SLC6A9: variants seen among roughly 807,000 people sequenced by gnomAD.
SLC6A9 encodes the protein sodium- and chloride-dependent glycine transporter 1.
SLC6A9 carries 31 observed loss-of-function variants against 70.9 expected under a neutral mutation model. The observed-to-expected ratio is 0.44, with a 90% CI of 0.33 to 0.59. SLC6A9 has a LOEUF of 0.59. SLC6A9 is among the 20% of genes least tolerant of loss of function. The pLI is 0.04. For missense variants in SLC6A9, 631 were observed against 845.2 expected, an observed-to-expected ratio of 0.75 and a Z score of 3.14; for synonymous variants, 310 against 341.3, an observed-to-expected ratio of 0.91 and a Z score of 1.01.
Position 43,997,313 on chromosome 1 carries a change from A to G in SLC6A9, c.*232T>C, listed in dbSNP as rs201016250. 3.6e-6 allele frequency: 2 copies of G among 555,856 alleles called. No homozygotes were observed. The highest frequency in any genetic ancestry group is 3.8e-5 in the African/African-American group (2 of 52,448). 34.4% of individuals were successfully genotyped at this position (555,856 alleles called of 1,614,324 possible). A position where few individuals can be genotyped will look rare whatever the true frequency, so the allele number is the denominator to read the frequency against. ...CCCTCCAAAGTGCTTTGGACCTCCC[A>G]GCAACCCTCCACTCCCACCCCTCCC... On this transcript the variant is annotated 3_prime_UTR_variant, in exon 14 of 14. Coordinates refer to ENST00000372310, the MANE Select transcript of SLC6A9 (RefSeq NM_001024845.3). The surrounding 1 kb of genome is among the most constrained non-coding windows in gnomAD (Gnocchi z 4.4).
Position 44,013,400 on chromosome 1 carries a change from A to C in SLC6A9, c.31-2518T>G, listed in dbSNP as rs558263153. Among the ~76,000 whole-genome samples the C allele has an allele frequency of 3.4e-3, 520 of 152,292 alleles. 5 individuals carry two copies. Among genetic ancestry groups the C allele is most frequent in the African/African-American group, 0.012 (480 of 41,552 alleles). On this transcript the variant is annotated intron_variant, in intron 2 of 13. Transcript: ENST00000372310. The surrounding 1 kb of genome is among the most constrained non-coding windows in gnomAD (Gnocchi z 5.3). Reference sequence around the variant, plus strand: ...CAGACAGCCGCCTGCCTGAGCCCTCAAGAGCCAGCCACTGCTCCGTTAATG... The same window carrying C: ...CAGACAGCCGCCTGCCTGAGCCCTCCAGAGCCAGCCACTGCTCCGTTAATG...
intron 2 of SLC6A9, chr1:44,011,858 A>C: frequency 1.3e-6 from 1 of 764,584 alleles, no homozygotes. Context: ...CAGGCCCAAA[A>C]GCTGGAACTG....
chr1:44,003,748 CAA>C (rs34308293), intron 5 of SLC6A9, among the ~76,000 whole-genome samples: 1,723 of 72,036 alleles, frequency 0.024, 10 homozygotes, highest in Non-Finnish European at 0.03. Flanking sequence ...AGTCCAATCT[CAA>C]AAAAAAAAAA....
At chr1:44,006,980 C>A (rs2086341721) in intron 5 of SLC6A9, among the ~76,000 whole-genome samples, 1 of 152,166 alleles carries the variant, frequency 6.6e-6, no homozygotes, top group African/African-American at 2.4e-5. Context: ...AGCCTCAAAC[C>A]CTTAGCCTGG....
intron 12 of SLC6A9, 68 bp from the exon 13 acceptor site, chr1:43,998,093 AC>A: frequency 7.1e-7 from 1 of 1,408,988 alleles, no homozygotes; most frequent in Non-Finnish European, 9.7e-7. Context: ...CCATCCCTCT[AC>A]CAGCACCCTT....
chr1:44,004,080 C>T (rs1289085287), intron 5 of SLC6A9, among the ~76,000 whole-genome samples: 3 of 151,886 alleles, frequency 2.0e-5, no homozygotes, highest in South Asian at 2.1e-4. Context: ...CTGCAACCTC[C>T]GTCTCCCAGG....
At chr1:44,022,371 C>T (rs1349179075) in intron 2 of SLC6A9, among the ~76,000 whole-genome samples, 1 of 152,138 alleles carries the variant, frequency 6.6e-6, no homozygotes, top group Non-Finnish European at 1.5e-5. Flanking sequence ...TATCACAAGC[C>T]CATGGCAATT....
At position 43,997,930 on chromosome 1, in the gene SLC6A9, A is replaced by G. The variant is rs756659763; in HGVS notation, c.1632T>C (p.Ala544=). 29 of 1,614,010 alleles carry G rather than the reference A, an allele frequency of 1.8e-5. No individual in the cohort carries two copies. The highest frequency in any genetic ancestry group is 2.7e-5 in the African/African-American group (2 of 74,938). Residue 544 remains alanine (A), a synonymous_variant, in exon 13 of 14, where the codon GCT becomes GCC. Coordinates refer to ENST00000372310, the MANE Select transcript of SLC6A9 (RefSeq NM_001024845.3). The surrounding 1 kb of genome is among the most constrained non-coding windows in gnomAD (Gnocchi z 4.4). ...GWAVAIGFLM[A]LSSVLCIPLY... ...GGGGGATGCAGAGGACGGAGGACAG[A>G]GCCATGAGGAAGCCAATGGCCACGG... is the stretch of plus-strand genomic sequence containing the variant.
At position 44,013,005 on chromosome 1, in the gene SLC6A9, T is replaced by C. The variant is rs1385318552; in HGVS notation, c.31-2123A>G. 6.6e-6 allele frequency among the ~76,000 whole-genome samples: 1 copy of C among 152,198 alleles called. No homozygotes were observed. ...TGGTCCCAAACAAATGCCAGCCAAA[T>C]AGGGCTCCTATATGTTGACCCTACA... On this transcript the variant is annotated intron_variant, in intron 2 of 13. Coordinates refer to ENST00000372310, the MANE Select transcript of SLC6A9 (RefSeq NM_001024845.3). This position sits in a 1 kb window ranked among gnomAD's most constrained non-coding sequence, Gnocchi z 5.3.
intron 12 of SLC6A9, among the ~76,000 whole-genome samples, chr1:44,000,226 G>C (rs1477058653): frequency 6.6e-6 from 1 of 152,222 alleles, no homozygotes; most frequent in Non-Finnish European, 1.5e-5. Context: ...TCAGCTCCCT[G>C]ATGGGAATTT....
intron 2 of SLC6A9, chr1:44,011,496 A>C: frequency 7.2e-7 from 1 of 1,383,440 alleles, no homozygotes; most frequent in Non-Finnish European, 1.0e-6. Flanking sequence ...CTGGGACTCT[A>C]GGTGGGAGGG....
intron 2 of SLC6A9, among the ~76,000 whole-genome samples, chr1:44,020,953 GA>G (rs529806103): frequency 7.0e-4 from 106 of 152,350 alleles, no homozygotes; most frequent in African/African-American, 2.5e-3. Flanking sequence ...AGTGTGCTCA[GA>G]CATGGGAAGA....
chr1:44,004,188 A>G (rs112330518), intron 5 of SLC6A9, among the ~76,000 whole-genome samples: 30 of 151,050 alleles, frequency 2.0e-4, no homozygotes, highest in African/African-American at 6.8e-4. Flanking sequence ...AGAGATGGGG[A>G]TTTCACCATG....
chr1:44,005,755 A>G (rs2086284828), intron 5 of SLC6A9, among the ~76,000 whole-genome samples: 1 of 152,206 alleles, frequency 6.6e-6, no homozygotes, highest in Admixed American at 6.5e-5. Flanking sequence ...CTCAACAATA[A>G]GGGTGCTTCC....
At chr1:44,030,692 C>G (rs2087093833) in intron 1 of SLC6A9, 1 of 152,432 alleles carries the variant, frequency 6.6e-6, no homozygotes, top group Non-Finnish European at 1.5e-5. Context: ...TGCGCCAGGA[C>G]TCTCCCGCGC....
At chr1:44,030,125 A>T (rs2087070737) in intron 1 of SLC6A9, among the ~76,000 whole-genome samples, 2 of 151,836 alleles carry the variant, frequency 1.3e-5, no homozygotes, top group Admixed American at 6.5e-5. Flanking sequence ...CGCCGGCCCG[A>T]GGCGCGGAGG....
intron 2 of SLC6A9, among the ~76,000 whole-genome samples, chr1:44,015,135 A>G (rs1173619907): frequency 6.6e-6 from 1 of 152,218 alleles, no homozygotes; most frequent in Non-Finnish European, 1.5e-5. Flanking sequence ...TCACACACAA[A>G]AAAATTAGAA....
intron 5 of SLC6A9, among the ~76,000 whole-genome samples, chr1:44,006,930 T>G (rs1412094333): frequency 3.3e-5 from 5 of 152,202 alleles, no homozygotes; most frequent in Non-Finnish European, 7.3e-5. Flanking sequence ...CTCAGACCCT[T>G]GTACATTTCA....
In SLC6A9 at chr1:44,008,630, G is replaced by T; in HGVS notation, c.320-7C>A. ...ATCATACCATAGCCCACTCCTGCAG[G>T]AGGGGAGGGGTGGGGGGAGGAGCCT... On this transcript the variant is annotated splice_region_variant and splice_polypyrimidine_tract_variant and intron_variant, in intron 4 of 13. Coordinates refer to ENST00000372310, the MANE Select transcript of SLC6A9 (RefSeq NM_001024845.3). The T allele has an allele frequency of 6.2e-7, 1 of 1,611,416 alleles. No individual in the cohort carries two copies. The highest frequency in any genetic ancestry group is 2.2e-5 in the East Asian group (1 of 44,840).
Sources: gnomAD v4.1 joint callset for allele counts (sites outside exome capture counted in the v4.1 genomes callset) on GRCh38, gnomAD v4.1.1 for gene constraint, Gnocchi (gnomAD v3.1) non-coding constraint, MANE v1.5 for transcripts, NCBI Gene and HGNC (gene_info 2026-07-23, HGNC 2026-07-21) for gene names.